The following TMEM207 variants were observed in gnomAD, a reference collection of about 807,000 sequenced individuals.
TMEM207 encodes the protein SRSR846.
Under a neutral mutation model 17.4 loss-of-function variants are expected in TMEM207, and 15 were observed. That is an observed-to-expected ratio of 0.86 (90% CI 0.58 to 1.33). The LOEUF is 1.33. Among genes scored for constraint, TMEM207 ranks in the 40% most tolerant of loss-of-function variants. The pLI, the probability that TMEM207 is intolerant of heterozygous loss-of-function variation, is 0.00. For missense variants in TMEM207, 205 were observed against 173.8 expected (o/e 1.18, Z -1.01); for synonymous variants, 70 against 65.6 (o/e 1.07, Z -0.33).
rs1719903711 is a variant in TMEM207 at position 190,440,349 on chromosome 3, C to T, written c.199G>A (p.Gly67Arg). Residue 67 changes from glycine to arginine, a missense_variant, in exon 4 of 5, where the codon GGA becomes AGA. Physicochemically the swap from Gly to Arg is moderately radical, Grantham distance 125. Transcript: ENST00000354905. ...LLVLVAALLCGAVVLCLQCWL... is the reference protein window; with the variant it reads ...LLVLVAALLCRAVVLCLQCWL... The stretch of plus-strand genomic sequence containing the variant: ...CACTGGAGGCAGAGGACCACAGCTC[C>T]ACAGAGAAGAGCTGCCACCAAAACC... The T allele has an allele frequency of 6.2e-7, 1 of 1,613,530 alleles. No individual in the cohort carries two copies. The highest frequency in any genetic ancestry group is 1.3e-5 in the African/African-American group (1 of 74,840).
At chr3:190,443,514 G>A (rs962194288) in intron 2 of TMEM207, among the ~76,000 whole-genome samples, 1 of 152,022 alleles carries the variant, frequency 6.6e-6, no homozygotes, top group African/African-American at 2.4e-5. Context: ...CAAATCGCAG[G>A]CATCTTTGAG....
At position 190,440,228 on chromosome 3, in the gene TMEM207, C is replaced by T. The variant is rs201934828; in HGVS notation, c.304+16G>A. On this transcript the variant is annotated intron_variant, in intron 4 of 4. Coordinates refer to ENST00000354905, the MANE Select transcript of TMEM207 (RefSeq NM_207316.3). ...AAAGTATCAAAAAAGAGTCCAGAAGCGTGCAGACAACTCACCATAAATAGA... is the reference window on the plus strand; with the variant it reads ...AAAGTATCAAAAAAGAGTCCAGAAGTGTGCAGACAACTCACCATAAATAGA... 2,731 of 1,608,202 alleles carry T rather than the reference C, an allele frequency of 1.7e-3. 2 individuals carry two copies. The highest frequency in any genetic ancestry group is 2.0e-3 in the Non-Finnish European group (2,369 of 1,178,224).
intron 4 of TMEM207, among the ~76,000 whole-genome samples, chr3:190,438,965 G>A (rs1422230790): frequency 2.6e-5 from 4 of 151,894 alleles, no homozygotes; most frequent in African/African-American, 4.8e-5. Context: ...CGAGGCGGGC[G>A]GATCACGAGG....
intron 4 of TMEM207, 102 bp from the exon 5 acceptor site, chr3:190,429,833 A>C (rs1719652047): frequency 7.4e-7 from 1 of 1,347,536 alleles, no homozygotes; most frequent in Non-Finnish European, 9.9e-7. Context: ...TCGCTGAAGC[A>C]ACAGAAAATT....
intron 1 of TMEM207, 144 bp from the exon 2 acceptor site, chr3:190,447,971 T>A (rs1720086481): frequency 1.6e-6 from 1 of 616,902 alleles, no homozygotes; most frequent in Non-Finnish European, 2.5e-6. Context: ...TTATTGTTGG[T>A]ACACAGAATT....
chr3:190,446,537 G>A (rs1720054816), intron 2 of TMEM207, among the ~76,000 whole-genome samples: 1 of 151,556 alleles, frequency 6.6e-6, no homozygotes, highest in Non-Finnish European at 1.5e-5. Flanking sequence ...AAAAGCAATT[G>A]TATTGAATAA....
At chr3:190,440,896 G>T (rs900639296) in intron 3 of TMEM207, among the ~76,000 whole-genome samples, 3 of 152,078 alleles carry the variant, frequency 2.0e-5, no homozygotes, top group Non-Finnish European at 4.4e-5. Context: ...GTGAAACCCC[G>T]TCTCTACTAA....
chr3:190,430,734 T>C lies in TMEM207; in HGVS notation c.305-1003A>G, dbSNP rs13314846. 3.3e-3 allele frequency among the ~76,000 whole-genome samples: 508 copies of C among 152,180 alleles called. 5 individuals carry two copies. Among genetic ancestry groups the C allele is most frequent in the African/African-American group, 0.012 (482 of 41,562 alleles). On this transcript the variant is annotated intron_variant, in intron 4 of 4. Transcript: ENST00000354905. The stretch of plus-strand genomic sequence containing the variant: ...ACAATCTTATTTATACACTTACATA[T>C]TGTCTATGGCTGCTGTTGCACTACC...
intron 2 of TMEM207, among the ~76,000 whole-genome samples, chr3:190,445,917 T>C (rs546187120): frequency 6.6e-6 from 1 of 152,300 alleles, no homozygotes; most frequent in Non-Finnish European, 1.5e-5. Flanking sequence ...AATACATATG[T>C]TTTTATTTCT....
At chr3:190,436,594 G>C (rs1719807515) in intron 4 of TMEM207, among the ~76,000 whole-genome samples, 1 of 152,188 alleles carries the variant, frequency 6.6e-6, no homozygotes, top group African/African-American at 2.4e-5. Flanking sequence ...AGCCACAAAA[G>C]CAAGTGGTTC....
At chr3:190,430,592 A>G (rs991598237) in intron 4 of TMEM207, among the ~76,000 whole-genome samples, 1 of 151,914 alleles carries the variant, frequency 6.6e-6, no homozygotes, top group African/African-American at 2.4e-5. Context: ...TTACCTTTGA[A>G]TGATTTTGAC....
intron 4 of TMEM207, among the ~76,000 whole-genome samples, 160 bp from the exon 5 acceptor site, chr3:190,429,891 G>C (rs1481321630): frequency 7.1e-6 from 1 of 141,288 alleles, no homozygotes; most frequent in Admixed American, 7.0e-5. Flanking sequence ...TCTTTGCAGT[G>C]AAGGTTTAGT....
intron 3 of TMEM207, among the ~76,000 whole-genome samples, chr3:190,441,066 C>T (rs549644578): frequency 4.8e-4 from 73 of 151,180 alleles, no homozygotes; most frequent in Admixed American, 1.4e-3. Context: ...AAAACTGTGT[C>T]TCAGAGAAAA....
chr3:190,432,877 G>T (rs796580981), intron 4 of TMEM207, among the ~76,000 whole-genome samples: 2 of 152,218 alleles, frequency 1.3e-5, no homozygotes, highest in East Asian at 1.9e-4. Flanking sequence ...ATTATCAAGC[G>T]ATCAGCCCCA....
At chr3:190,440,965 A>G (rs1719921895) in intron 3 of TMEM207, among the ~76,000 whole-genome samples, 1 of 152,020 alleles carries the variant, frequency 6.6e-6, no homozygotes, top group Non-Finnish European at 1.5e-5. Context: ...GCTACTCCGG[A>G]GGCTGAGGCT....
At chr3:190,444,907 T>C (rs559915686) in intron 2 of TMEM207, among the ~76,000 whole-genome samples, 12 of 152,196 alleles carry the variant, frequency 7.9e-5, no homozygotes, top group Non-Finnish European at 1.8e-4. Context: ...AAAGTGCAAT[T>C]CAGCTACAGT....
chr3:190,431,435 T>C (rs1336217158), intron 4 of TMEM207, among the ~76,000 whole-genome samples: 1 of 152,024 alleles, frequency 6.6e-6, no homozygotes, highest in Non-Finnish European at 1.5e-5. Context: ...CCTCTTTTCA[T>C]AGTTAAATAA....
At chr3:190,447,884 A>G in intron 1 of TMEM207, 57 bp from the exon 2 acceptor site, 1 of 1,524,128 alleles carries the variant, frequency 6.6e-7, no homozygotes, top group Non-Finnish European at 8.9e-7. Flanking sequence ...TAATCCTTTA[A>G]TACAAGCAGC....
intron 4 of TMEM207, among the ~76,000 whole-genome samples, chr3:190,437,720 C>T (rs1326957254): frequency 6.6e-6 from 1 of 152,042 alleles, no homozygotes; most frequent in African/African-American, 2.4e-5. Context: ...ACTAGAAATA[C>T]CATTTGACCC....
Sources: allele counts gnomAD v4.1 joint callset (sites outside exome capture counted in the v4.1 genomes callset), GRCh38; gene constraint gnomAD v4.1.1; transcripts MANE v1.5; gene names NCBI Gene and HGNC (gene_info 2026-07-23, HGNC 2026-07-21).